The following FCHSD1 variants were observed in gnomAD, a reference collection of about 807,000 sequenced individuals.
The protein encoded by FCHSD1 is FCH and double SH3 domains 1, also known as F-BAR and double SH3 domains protein 1.
FCHSD1 carries 109 observed loss-of-function variants against 101.3 expected under a neutral mutation model. The observed-to-expected ratio is 1.08, with a 90% CI of 0.92 to 1.26. The LOEUF (loss-of-function observed/expected upper bound fraction) is 1.26. Ranked by LOEUF, FCHSD1 falls within the 50% of genes most tolerant of loss-of-function variation. FCHSD1 has a pLI of 0.00. For synonymous variants in FCHSD1, 291 were observed against 356.8 expected, an observed-to-expected ratio of 0.82 and a Z score of 2.08; for missense variants, 820 against 895.8, an observed-to-expected ratio of 0.92 and a Z score of 1.08.
chr5:141,646,447 C>A, intron 11 of FCHSD1, 156 bp downstream of exon 11: 1 of 1,238,004 alleles, frequency 8.1e-7, no homozygotes, highest in Non-Finnish European at 1.1e-6. Flanking sequence ...GCTCCAAAAA[C>A]TGTGCTCTTA....
At position 141,639,753 on chromosome 5, in the gene FCHSD1, C is replaced by T; in HGVS notation, c.*1745G>A. 2 of 1,324,554 alleles carry T rather than the reference C, an allele frequency of 1.5e-6. No homozygotes were observed. Among genetic ancestry groups the T allele is most frequent in the Admixed American group, 2.1e-5 (1 of 47,122 alleles). 82.1% of individuals were successfully genotyped at this position (1,324,554 alleles called of 1,614,324 possible). On this transcript the variant is annotated 3_prime_UTR_variant, in exon 20 of 20. Coordinates refer to ENST00000435817, the MANE Select transcript of FCHSD1 (RefSeq NM_033449.3). The surrounding 1 kb of genome is among the most constrained non-coding windows in gnomAD (Gnocchi z 4.4). ...TGGCTCTTTCCTCCTGGACTGGGAG[C>T]TCCGGCAGAAGTCAGGCTACACAAT...
In FCHSD1 at chr5:141,642,823, T is replaced by C. The variant is rs1361667956; in HGVS notation, c.1951+178A>G. ...ACAGGTTCAGAATCCCACCACACAC[T>C]TGGAGATGACAGAGCGGGACCTGAA... On this transcript the variant is annotated intron_variant, in intron 18 of 19. Coordinates refer to ENST00000435817, the MANE Select transcript of FCHSD1 (RefSeq NM_033449.3). The C allele has an allele frequency of 1.4e-5, 8 of 589,776 alleles. No individual in the cohort carries two copies. The Admixed American group carries it at 2.8e-4, about 20-fold the overall frequency. 36.5% of individuals were successfully genotyped at this position (589,776 alleles called of 1,614,324 possible).
At position 141,641,141 on chromosome 5, in the gene FCHSD1, G is replaced by A. The variant is rs1240182790; in HGVS notation, c.*357C>T. 3.1e-6 allele frequency: 1 copy of A among 320,118 alleles called. No individual in the cohort carries two copies. Among genetic ancestry groups the A allele is most frequent in the Non-Finnish European group, 5.7e-6 (1 of 175,330 alleles). The allele number at this position is 320,118 out of a possible 1,614,324, so 19.8% of individuals were successfully genotyped here. On this transcript the variant is annotated 3_prime_UTR_variant, in exon 20 of 20. Coordinates refer to ENST00000435817, the MANE Select transcript of FCHSD1 (RefSeq NM_033449.3). The stretch of plus-strand genomic sequence containing the variant: ...TCCCCAGCCCAACCCCAGTGACCCT[G>A]GCATCCAGAGTGGGGTGGGTCATGG...
At chr5:141,650,837 A>G (rs192293847) in intron 2 of FCHSD1, among the ~76,000 whole-genome samples, 183 bp downstream of exon 2, 2,071 of 64,274 alleles carry the variant, frequency 0.032, 32 homozygotes, top group African/African-American at 0.1. Flanking sequence ...GGGGGTTGGG[A>G]GGGGTTAGGT....
chr5:141,649,588 G>C lies in FCHSD1; in HGVS notation c.234-52C>G. ...AGGAGAGCACTCCACAGCTTCATGAGACCACCCCCACCCCCTGCCCCCTGA... is the reference window on the plus strand; with the variant it reads ...AGGAGAGCACTCCACAGCTTCATGACACCACCCCCACCCCCTGCCCCCTGA... On this transcript the variant is annotated intron_variant, in intron 4 of 19. Transcript: ENST00000435817. The surrounding 1 kb of genome is among the most constrained non-coding windows in gnomAD (Gnocchi z 4.1). 1 of 1,576,152 alleles carries C rather than the reference G, an allele frequency of 6.3e-7. No individual in the cohort carries two copies. Among genetic ancestry groups the C allele is most frequent in the Non-Finnish European group, 8.6e-7 (1 of 1,163,004 alleles).
At chr5:141,648,789 G>T (rs1310447462) in intron 7 of FCHSD1, among the ~76,000 whole-genome samples, 168 bp downstream of exon 7, 2 of 152,068 alleles carry the variant, frequency 1.3e-5, no homozygotes, top group African/African-American at 2.4e-5. Flanking sequence ...TTTTATAGAA[G>T]AAAATAAGGC....
In FCHSD1 at chr5:141,644,842, C is replaced by T. The variant is rs763873579; in HGVS notation, c.1524+17G>A. The T allele has an allele frequency of 4.7e-5, 75 of 1,612,128 alleles. No homozygotes were observed. In the East Asian group the frequency reaches 7.6e-4, roughly 16 times the overall value. On this transcript the variant is annotated intron_variant, in intron 15 of 19. Coordinates refer to ENST00000435817, the MANE Select transcript of FCHSD1 (RefSeq NM_033449.3). The stretch of plus-strand genomic sequence containing the variant: ...CTGCCCCCAACCCAAGGTCAGAGCC[C>T]GGGGTCCCATACCCACCTTGACCCA...
At position 141,649,003 on chromosome 5, in the gene FCHSD1, T is replaced by C; in HGVS notation, c.530A>G (p.His177Arg). 6.2e-7 allele frequency: 1 copy of C among 1,613,964 alleles called. No homozygotes were observed. Among genetic ancestry groups the C allele is most frequent in the African/African-American group, 1.3e-5 (1 of 75,020 alleles). Residue 177 changes from histidine (H) to arginine (R), a missense_variant, in exon 7 of 20, where the codon CAT (histidine) becomes CGT (arginine). His to Arg is a conservative substitution (Grantham distance 29). Transcript: ENST00000435817. The surrounding 1 kb of genome is among the most constrained non-coding windows in gnomAD (Gnocchi z 4.1). ...ACTGGTCCGAGAGTGGAAGATCCCA[T>C]GGTCACTTCGGTTTAGCCTGTGCAG... ...DVQARLNRSD[H>R]GIFHSRTSLQ...
intron 7 of FCHSD1, among the ~76,000 whole-genome samples, chr5:141,648,369 G>A (rs1045754166): frequency 6.6e-6 from 1 of 152,120 alleles, no homozygotes; most frequent in Non-Finnish European, 1.5e-5. Context: ...CTTTTCAAGC[G>A]CTTGTTCCCT....
intron 10 of FCHSD1, among the ~76,000 whole-genome samples, 200 bp downstream of exon 10, chr5:141,646,935 G>A (rs2099907735): frequency 6.6e-6 from 1 of 152,206 alleles, no homozygotes; most frequent in African/African-American, 2.4e-5. Flanking sequence ...GAAAAGGATG[G>A]CGCAGTCAAG....
intron 18 of FCHSD1, 147 bp from the exon 19 acceptor site, chr5:141,641,904 C>T (rs563157402): frequency 1.2e-6 from 1 of 817,864 alleles, no homozygotes; most frequent in Non-Finnish European, 2.0e-6. Context: ...TATCCACTGT[C>T]CTCAACATTT....
intron 17 of FCHSD1, among the ~76,000 whole-genome samples, chr5:141,643,376 T>C (rs2099907214): frequency 6.6e-6 from 1 of 152,242 alleles, no homozygotes. Flanking sequence ...ATGACTCCTA[T>C]GTTAGAAGTG....
chr5:141,644,293 A>G lies in FCHSD1; in HGVS notation c.1788T>C (p.Val596=). Reference sequence around the variant, plus strand: ...CCACCAGCAGGGAGGGGAAGACCCCAACACGGCCCCCAAATTCTCCCCTCC... The same window carrying G: ...CCACCAGCAGGGAGGGGAAGACCCCGACACGGCCCCCAAATTCTCCCCTCC... ...GFWRGEFGGR[V]GVFPSLLVEE... Residue 596 remains valine (V), a synonymous_variant, in exon 17 of 20, where the codon GTT becomes GTC. Coordinates refer to ENST00000435817, the MANE Select transcript of FCHSD1 (RefSeq NM_033449.3). 6.2e-7 allele frequency: 1 copy of G among 1,613,764 alleles called. No individual in the cohort carries two copies. Among genetic ancestry groups the G allele is most frequent in the South Asian group, 1.1e-5 (1 of 91,038 alleles).
intron 18 of FCHSD1, chr5:141,642,420 T>C (rs1596458628): frequency 1.4e-6 from 1 of 694,046 alleles, no homozygotes; most frequent in African/African-American, 1.8e-5. Flanking sequence ...TGTTCACTAT[T>C]TGAGTTACAG....
chr5:141,649,658 G>T lies in FCHSD1; in HGVS notation c.234-122C>A. The T allele has an allele frequency of 7.3e-7, 1 of 1,371,746 alleles. No individual in the cohort carries two copies. The highest frequency in any genetic ancestry group is 1.4e-5 in the South Asian group (1 of 70,450). 85.0% of individuals were successfully genotyped at this position (1,371,746 alleles called of 1,614,324 possible). On this transcript the variant is annotated intron_variant, in intron 4 of 19. Transcript: ENST00000435817. The surrounding 1 kb of genome is among the most constrained non-coding windows in gnomAD (Gnocchi z 4.1). ...AGTGCTTTCCCATCCTCCCTTGTCT[G>T]GGAGCCCATCAATCGATCAGCCCAT...
In FCHSD1 at chr5:141,645,776, G is replaced by C. The variant is rs1210930045; in HGVS notation, c.1306C>G (p.Pro436Ala). The C allele has an allele frequency of 6.2e-7, 1 of 1,611,830 alleles. No homozygotes were observed. Among genetic ancestry groups the C allele is most frequent in the Non-Finnish European group, 8.5e-7 (1 of 1,178,924 alleles). ...EARLSQRDLS[P>A]TAEDAELSDF... ...GTGTTGGGGGAGGAGCTCACGGTTG[G>C]AGAGAGGTCCCTCTGGGACAGCCGA... The change falls in exon 13 of 20, where the codon CCA becomes GCA. Residue 436 changes from proline to alanine, a missense_variant. By Grantham distance (27) the Pro-to-Ala change is conservative. Coordinates refer to ENST00000435817, the MANE Select transcript of FCHSD1 (RefSeq NM_033449.3).
Position 141,639,502 on chromosome 5 carries a change from C to T in FCHSD1, c.*1996G>A. On this transcript the variant is annotated 3_prime_UTR_variant, in exon 20 of 20. Coordinates refer to ENST00000435817, the MANE Select transcript of FCHSD1 (RefSeq NM_033449.3). This position sits in a 1 kb window ranked among gnomAD's most constrained non-coding sequence, Gnocchi z 4.4. ...TCCAGCCTGCAGGACGGAGCCCCCT[C>T]CCATCATCACACAGTGCACCTGGGC... 2 of 1,614,012 alleles carry T rather than the reference C, an allele frequency of 1.2e-6. No homozygotes were observed. The highest frequency in any genetic ancestry group is 2.2e-5 in the South Asian group (2 of 91,084).
chr5:141,647,665 A>G, intron 8 of FCHSD1, 145 bp from the exon 9 acceptor site: 1 of 1,293,474 alleles, frequency 7.7e-7, no homozygotes, highest in Non-Finnish European at 1.1e-6. Context: ...CCTCGTGTGC[A>G]GAGCACTTAG....
rs2099907805 is a variant in FCHSD1, at chr5:141,647,485, G to T, written c.741C>A (p.Asp247Glu). Residue 247 changes from aspartate to glutamate, a missense_variant, in exon 9 of 20, where the codon GAC becomes GAA. Transcript: ENST00000435817. Reference protein sequence around the residue: ...LVSELSEHLRDPLTSLSHTEL... With the variant: ...LVSELSEHLREPLTSLSHTEL... ...CAGTGTGGCTCAGGGAGGTCAGGGGGTCCCTCAAGTGCTCTGACAGCTCAC... is the reference window on the plus strand; with the variant it reads ...CAGTGTGGCTCAGGGAGGTCAGGGGTTCCCTCAAGTGCTCTGACAGCTCAC... 1.2e-6 allele frequency: 2 copies of T among 1,612,572 alleles called. No individual in the cohort carries two copies. Among genetic ancestry groups the T allele is most frequent in the Non-Finnish European group, 1.7e-6 (2 of 1,179,466 alleles).
Sources: allele counts gnomAD v4.1 joint callset (sites outside exome capture counted in the v4.1 genomes callset), GRCh38; gene constraint gnomAD v4.1.1; non-coding constraint Gnocchi (gnomAD v3.1); transcripts MANE v1.5; gene names NCBI Gene and HGNC (gene_info 2026-07-23, HGNC 2026-07-21).